Variants in VKORC1L1 observed in about 807,000 individuals in gnomAD.
VKORC1L1 encodes the protein vitamin K epoxide reductase complex subunit 1L1.
VKORC1L1 carries 2 observed loss-of-function variants against 18.9 expected under a neutral mutation model. The ratio of observed to expected loss-of-function variants is 0.11; its 90% CI spans 0.04 to 0.33. The LOEUF is 0.33. Ranked by LOEUF, VKORC1L1 falls within the 10% of genes least tolerant of loss-of-function variation. The pLI is 1.00. For synonymous variants in VKORC1L1, 96 were observed against 100.0 expected (o/e 0.96, Z 0.24); for missense variants, 123 against 224.1 (o/e 0.55, Z 2.88).
At chr7:65,922,231 A>AT (rs1287434453) in intron 1 of VKORC1L1, among the ~76,000 whole-genome samples, 10 of 147,544 alleles carry the variant, frequency 6.8e-5, no homozygotes, top group African/African-American at 2.0e-4. Flanking sequence ...TTCAATCGTT[A>AT]TTTCCCCCTC....
chr7:65,866,081 C>CCA, the VKORC1L1 span, among the ~76,000 whole-genome samples: 1 of 152,128 alleles, frequency 6.6e-6, no homozygotes, highest in African/African-American at 2.4e-5. Context: ...TGCCACTGCA[C>CCA]TCTAGCCTGG....
chr7:65,920,097 C>T (rs1432530195), intron 1 of VKORC1L1, among the ~76,000 whole-genome samples: 1 of 152,044 alleles, frequency 6.6e-6, no homozygotes, highest in Non-Finnish European at 1.5e-5. Flanking sequence ...CTGGCTGTAC[C>T]TCACACCCGC....
upstream of VKORC1L1, among the ~76,000 whole-genome samples, chr7:65,872,323 CTT>C (rs200307884): frequency 7.4e-5 from 11 of 147,880 alleles, no homozygotes; most frequent in Non-Finnish European, 1.5e-4. Context: ...GTAAATCTCT[CTT>C]TTTTTTTTTG....
At chr7:65,885,405 C>T (rs1788995012) in intron 1 of VKORC1L1, among the ~76,000 whole-genome samples, 1 of 151,174 alleles carries the variant, frequency 6.6e-6, no homozygotes, top group Admixed American at 6.6e-5. Flanking sequence ...TCAGATCTTT[C>T]ACTTAAAAAA....
intron 1 of VKORC1L1, among the ~76,000 whole-genome samples, chr7:65,927,025 G>A (rs528757822): frequency 3.3e-5 from 5 of 152,208 alleles, no homozygotes; most frequent in South Asian, 2.1e-4. Context: ...GGTGGCTCAC[G>A]CCTGTAATCC....
At chr7:65,866,308 A>G in the VKORC1L1 span, among the ~76,000 whole-genome samples, 1 of 152,206 alleles carries the variant, frequency 6.6e-6, no homozygotes, top group African/African-American at 2.4e-5. Flanking sequence ...TATGTGTTTT[A>G]CTTTGAACAG....
chr7:65,880,501 A>G (rs1394572949), intron 1 of VKORC1L1, among the ~76,000 whole-genome samples: 2 of 152,020 alleles, frequency 1.3e-5, no homozygotes, highest in African/African-American at 4.8e-5. Flanking sequence ...GGTTCTGGGC[A>G]CATGGAGGGA....
At chr7:65,920,562 T>A (rs976599023) in intron 1 of VKORC1L1, among the ~76,000 whole-genome samples, 13 of 152,092 alleles carry the variant, frequency 8.5e-5, no homozygotes, top group African/African-American at 3.1e-4. Flanking sequence ...TAGGAGAGGA[T>A]AAAATAGAAA....
chr7:65,919,074 C>T (rs1428763730), intron 1 of VKORC1L1, among the ~76,000 whole-genome samples: 1 of 152,080 alleles, frequency 6.6e-6, no homozygotes, highest in Admixed American at 6.6e-5. Context: ...GGTGACAGAG[C>T]GAGACCCTTT....
intron 2 of VKORC1L1, among the ~76,000 whole-genome samples, chr7:65,949,265 A>T (rs1014242781): frequency 6.6e-6 from 1 of 152,040 alleles, no homozygotes; most frequent in African/African-American, 2.4e-5. Flanking sequence ...AGATCATCTG[A>T]GGTTGGGAGT....
intron 1 of VKORC1L1, among the ~76,000 whole-genome samples, chr7:65,898,783 C>T (rs1789260980): frequency 6.6e-6 from 1 of 152,146 alleles, no homozygotes; most frequent in Non-Finnish European, 1.5e-5. Flanking sequence ...TGTTGTACAA[C>T]CAGTCTCCAA....
At chr7:65,908,000 G>T (rs536091081) in intron 1 of VKORC1L1, among the ~76,000 whole-genome samples, 2 of 152,298 alleles carry the variant, frequency 1.3e-5, no homozygotes, top group African/African-American at 4.8e-5. Context: ...AGCAAGCAGT[G>T]TGTCAGATCT....
Position 65,909,690 on chromosome 7 carries a change from TTGTGTGTG to T in VKORC1L1, c.194+36166_194+36173del, listed in dbSNP as rs56074368. On this transcript the variant is annotated intron_variant, in intron 1 of 2. Coordinates refer to ENST00000360768, the MANE Select transcript of VKORC1L1 (RefSeq NM_173517.6). ...AAGCTTCTAACTTTTGTTTTAGCCT[TTGTGTGTG>T]TGTGTGTGTGTGTGTGTGTGTGTGT... Among the ~76,000 whole-genome samples, 420 of 123,836 alleles carry T rather than the reference TTGTGTGTG, an allele frequency of 3.4e-3. 5 individuals carry two copies. The highest frequency in any genetic ancestry group is 9.1e-3 in the African/African-American group (290 of 31,742). 81.2% of individuals were successfully genotyped at this position (123,836 alleles called of 152,430 possible). A position where few individuals can be genotyped will look rare whatever the true frequency, so the allele number is the denominator to read the frequency against.
chr7:65,891,798 C>A (rs1789114603), intron 1 of VKORC1L1, among the ~76,000 whole-genome samples: 1 of 152,154 alleles, frequency 6.6e-6, no homozygotes. Context: ...ATCATTTCTT[C>A]ATGTTAGGAA....
At chr7:65,869,485 T>C (rs1041305803), upstream of VKORC1L1, among the ~76,000 whole-genome samples, 3 of 152,116 alleles carry the variant, frequency 2.0e-5, no homozygotes, top group Non-Finnish European at 2.9e-5. Context: ...GAGCCATTCC[T>C]GTGGCGGCTT....
chr7:65,869,101 G>T (rs1367531572), upstream of VKORC1L1, among the ~76,000 whole-genome samples: 1 of 151,980 alleles, frequency 6.6e-6, no homozygotes, highest in Admixed American at 6.6e-5. Context: ...GATCACTTGA[G>T]GTCAGGAGAT....
At chr7:65,937,870 TTAAAA>T (rs1158557675) in intron 1 of VKORC1L1, among the ~76,000 whole-genome samples, 2 of 152,138 alleles carry the variant, frequency 1.3e-5, no homozygotes, top group Non-Finnish European at 2.9e-5. Context: ...AGAAATAAAC[TTAAAA>T]TAAACATAAA....
At position 65,891,532 on chromosome 7, in the gene VKORC1L1, G is replaced by A. The variant is rs1197026038; in HGVS notation, c.194+17967G>A. ...AATTTTCTGGTTGGTTTGTATAAGG[G>A]ATAAATGTATTGATCCCCTCCCCTC... On this transcript the variant is annotated intron_variant, in intron 1 of 2. Transcript: ENST00000360768. Among the ~76,000 whole-genome samples the A allele has an allele frequency of 7.9e-5, 12 of 152,188 alleles. 1 individual carries two copies. Among genetic ancestry groups the A allele is most frequent in the Non-Finnish European group, 1.5e-4 (10 of 68,022 alleles).
chr7:65,913,509 T>G (rs371964964), intron 1 of VKORC1L1, among the ~76,000 whole-genome samples: 1 of 151,848 alleles, frequency 6.6e-6, no homozygotes, highest in East Asian at 1.9e-4. Context: ...GTGGATCACT[T>G]GAGGTCAGGA....
Sources: allele counts gnomAD v4.1 joint callset (sites outside exome capture counted in the v4.1 genomes callset), GRCh38; gene constraint gnomAD v4.1.1; transcripts MANE v1.5; gene names NCBI Gene and HGNC (gene_info 2026-07-23, HGNC 2026-07-21).